Variants in BRINP3 observed in about 807,000 individuals in gnomAD.
BRINP3 encodes the protein BMP/retinoic acid inducible neural specific 3, also known as BMP/retinoic acid-inducible neural-specific protein 3.
Under a neutral mutation model 71.0 loss-of-function variants are expected in BRINP3, and 19 were observed. That is an observed-to-expected ratio of 0.27 (90% CI 0.19 to 0.39). The LOEUF (loss-of-function observed/expected upper bound fraction) is 0.39, where lower values mean the gene tolerates loss of function less well. Among genes scored for constraint, BRINP3 ranks in the 10% least tolerant of loss-of-function variants. The pLI is 1.00. For missense variants in BRINP3, 959 were observed against 940.8 expected (o/e 1.02, Z -0.25); for synonymous variants, 380 against 337.7 (o/e 1.13, Z -1.37).
At chr1:190,421,745 C>T (rs191405529) in intron 2 of BRINP3, among the ~76,000 whole-genome samples, 3 of 151,854 alleles carry the variant, frequency 2.0e-5, no homozygotes, top group East Asian at 1.9e-4. Flanking sequence ...TTTAACTTCA[C>T]GAGTTCATTT....
chr1:190,433,342 C>A (rs372317653), intron 2 of BRINP3, among the ~76,000 whole-genome samples: 1 of 152,196 alleles, frequency 6.6e-6, no homozygotes, highest in Non-Finnish European at 1.5e-5. Context: ...CTGAACTTAA[C>A]TGTGGCATTG....
At chr1:190,435,357 T>C (rs1454637569) in intron 2 of BRINP3, among the ~76,000 whole-genome samples, 4 of 152,096 alleles carry the variant, frequency 2.6e-5, no homozygotes, top group Non-Finnish European at 5.9e-5. Context: ...AGACATCACT[T>C]AGACAACTTT....
intron 6 of BRINP3, among the ~76,000 whole-genome samples, chr1:190,193,186 T>C (rs1654195024): frequency 1.3e-5 from 2 of 152,002 alleles, no homozygotes; most frequent in South Asian, 4.1e-4. Flanking sequence ...TGGGCTTCCT[T>C]AGAAGAAACT....
intron 7 of BRINP3, among the ~76,000 whole-genome samples, chr1:190,159,994 A>G (rs760848946): frequency 6.6e-6 from 1 of 152,012 alleles, no homozygotes; most frequent in East Asian, 1.9e-4. Flanking sequence ...TACTGATACA[A>G]ATATATATTT....
At chr1:190,396,963 T>C (rs889967809) in intron 2 of BRINP3, among the ~76,000 whole-genome samples, 1 of 151,730 alleles carries the variant, frequency 6.6e-6, no homozygotes, top group Non-Finnish European at 1.5e-5. Context: ...ATTTTTAAAA[T>C]GTCTCTTCAA....
intron 2 of BRINP3, among the ~76,000 whole-genome samples, chr1:190,298,439 T>A (rs1365138879): frequency 6.6e-6 from 1 of 152,068 alleles, no homozygotes; most frequent in Non-Finnish European, 1.5e-5. Flanking sequence ...GATTTTTTTT[T>A]TCTTTTCTAC....
At chr1:190,458,900 T>C (rs193104432) in intron 1 of BRINP3, among the ~76,000 whole-genome samples, 127 of 151,988 alleles carry the variant, frequency 8.4e-4, no homozygotes, top group African/African-American at 3.0e-3. Flanking sequence ...TGCACCATAT[T>C]TTCTGGACCA....
At chr1:190,181,697 G>A (rs749959217) in intron 6 of BRINP3, among the ~76,000 whole-genome samples, 2 of 151,860 alleles carry the variant, frequency 1.3e-5, no homozygotes, top group Non-Finnish European at 2.9e-5. Flanking sequence ...CATTTATAAT[G>A]TAATTACCTT....
chr1:190,403,381 C>A (rs1443530537), intron 2 of BRINP3, among the ~76,000 whole-genome samples: 1 of 152,194 alleles, frequency 6.6e-6, no homozygotes, highest in Non-Finnish European at 1.5e-5. Context: ...CATGTCCACA[C>A]TGAAGCAGTT....
intron 2 of BRINP3, among the ~76,000 whole-genome samples, chr1:190,382,845 A>G (rs933728370): frequency 6.6e-6 from 1 of 152,174 alleles, no homozygotes; most frequent in African/African-American, 2.4e-5. Flanking sequence ...CTAGAAGTTC[A>G]AGCCCTGTAA....
intron 2 of BRINP3, among the ~76,000 whole-genome samples, chr1:190,369,568 AG>A (rs1558225192): frequency 5.3e-5 from 8 of 152,098 alleles, no homozygotes; most frequent in Non-Finnish European, 1.2e-4. Context: ...ACAATCTCTG[AG>A]TATATAATGA....
intron 2 of BRINP3, among the ~76,000 whole-genome samples, chr1:190,391,979 T>C (rs950662741): frequency 2.0e-5 from 3 of 151,704 alleles, no homozygotes; most frequent in African/African-American, 7.3e-5. Context: ...CCCTAATTTT[T>C]GATGCTTTAC....
chr1:190,261,195 G>A (rs1010013825), intron 4 of BRINP3, among the ~76,000 whole-genome samples: 1 of 151,682 alleles, frequency 6.6e-6, no homozygotes, highest in African/African-American at 2.4e-5. Flanking sequence ...CAATTATATA[G>A]CATTAACGTT....
chr1:190,280,219 G>T (rs1373382876), intron 3 of BRINP3, among the ~76,000 whole-genome samples: 1 of 151,670 alleles, frequency 6.6e-6, no homozygotes, highest in African/African-American at 2.4e-5. Flanking sequence ...ATAACATTTG[G>T]GTAGAAAAAT....
At chr1:190,226,447 C>G (rs1657388117) in intron 5 of BRINP3, 129 bp from the exon 6 acceptor site, 1 of 515,986 alleles carries the variant, frequency 1.9e-6, no homozygotes, top group Admixed American at 4.0e-5. Flanking sequence ...TATTTTTAAA[C>G]TATCAGAAAA....
In BRINP3 at chr1:190,099,297, T is replaced by TAC. The variant is rs56359524; in HGVS notation, c.1185-165_1185-164dup. Among the ~76,000 whole-genome samples, 490 of 149,434 alleles carry TAC rather than the reference T, an allele frequency of 3.3e-3. 3 individuals carry two copies. The highest frequency in any genetic ancestry group is 7.0e-3 in the Middle Eastern group (2 of 286). Reference sequence around the variant, plus strand: ...TAGAGCTCATAATTAGACTATATAATACACACACACACACACACACACACA... The same window carrying TAC: ...TAGAGCTCATAATTAGACTATATAATACACACACACACACACACACACACACA... On this transcript the variant is annotated intron_variant, in intron 7 of 7. Coordinates refer to ENST00000367462, the MANE Select transcript of BRINP3 (RefSeq NM_199051.3).
intron 2 of BRINP3, among the ~76,000 whole-genome samples, chr1:190,335,506 A>T (rs546041190): frequency 6.6e-6 from 1 of 151,840 alleles, no homozygotes; most frequent in African/African-American, 2.4e-5. Context: ...TGAACCTCAT[A>T]TTGTTAAAGA....
chr1:190,387,652 C>A (rs1482495768), intron 2 of BRINP3, among the ~76,000 whole-genome samples: 1 of 151,746 alleles, frequency 6.6e-6, no homozygotes, highest in Non-Finnish European at 1.5e-5. Flanking sequence ...TTCTATTTTT[C>A]CGGTTGCTTT....
At chr1:190,228,675 A>C (rs1349154286) in intron 5 of BRINP3, among the ~76,000 whole-genome samples, 2 of 152,012 alleles carry the variant, frequency 1.3e-5, no homozygotes, top group Non-Finnish European at 2.9e-5. Context: ...CGCAGCGCTC[A>C]AAACACTTGA....
Sources: allele counts gnomAD v4.1 joint callset (sites outside exome capture counted in the v4.1 genomes callset), GRCh38; gene constraint gnomAD v4.1.1; transcripts MANE v1.5; gene names NCBI Gene and HGNC (gene_info 2026-07-23, HGNC 2026-07-21).